The following CORO2A variants were observed in gnomAD, a reference collection of about 807,000 sequenced individuals.
CORO2A encodes the protein coronin-2A.
Under a neutral mutation model 62.4 loss-of-function variants are expected in CORO2A, and 47 were observed. That is an observed-to-expected ratio of 0.75 (90% CI 0.60 to 0.96). The LOEUF is 0.96. CORO2A is among the 40% of genes least tolerant of loss of function. The pLI is 0.00. For missense variants in CORO2A, 610 were observed against 684.1 expected (o/e 0.89, Z 1.21); for synonymous variants, 273 against 268.9 (o/e 1.02, Z -0.15).
chr9:98,141,203 A>G (rs1029428296), intron 2 of CORO2A, among the ~76,000 whole-genome samples: 1 of 152,056 alleles, frequency 6.6e-6, no homozygotes, highest in Non-Finnish European at 1.5e-5. Flanking sequence ...CTCTCTTTCA[A>G]GTGGTCTCTG....
intron 1 of CORO2A, among the ~76,000 whole-genome samples, chr9:98,166,432 A>G (rs1211740040): frequency 1.3e-5 from 2 of 152,246 alleles, no homozygotes. Context: ...AAGGCAACAT[A>G]TGGAATGAGA....
intron 8 of CORO2A, among the ~76,000 whole-genome samples, chr9:98,129,009 C>T (rs533087492): frequency 1.2e-4 from 19 of 152,160 alleles, no homozygotes; most frequent in African/African-American, 4.1e-4. Flanking sequence ...CATAGCTCAC[C>T]GCAGTCTCAC....
intron 1 of CORO2A, among the ~76,000 whole-genome samples, chr9:98,181,465 G>A (rs148078226): frequency 1.5e-4 from 22 of 151,474 alleles, no homozygotes; most frequent in Non-Finnish European, 2.2e-4. Flanking sequence ...CGTGAGCCTC[G>A]GTGCCTGGCT....
At chr9:98,174,597 T>C (rs368972483) in intron 1 of CORO2A, among the ~76,000 whole-genome samples, 6 of 152,120 alleles carry the variant, frequency 3.9e-5, no homozygotes, top group African/African-American at 1.4e-4. Flanking sequence ...TGAGAGGTGA[T>C]TGGATCATGG....
At chr9:98,134,188 C>A (rs1827451921) in intron 4 of CORO2A, among the ~76,000 whole-genome samples, 1 of 152,154 alleles carries the variant, frequency 6.6e-6, no homozygotes, top group African/African-American at 2.4e-5. Context: ...AAACTGAGGC[C>A]TAGAGAAGTC....
intron 1 of CORO2A, among the ~76,000 whole-genome samples, chr9:98,160,259 A>G (rs1827865870): frequency 6.6e-6 from 1 of 152,234 alleles, no homozygotes; most frequent in African/African-American, 2.4e-5. Context: ...ATAGAACACA[A>G]GATAGAAGGA....
chr9:98,138,919 C>T (rs193046466), intron 2 of CORO2A, among the ~76,000 whole-genome samples: 68 of 151,824 alleles, frequency 4.5e-4, no homozygotes, highest in African/African-American at 1.5e-3. Flanking sequence ...TGGTGGTGCA[C>T]GCCTGTAGTC....
At position 98,134,786 on chromosome 9, in the gene CORO2A, G is replaced by C. The variant is rs766106947; in HGVS notation, c.468+20C>G. ...GGGAACTTGTTGGGGCTGCCCCAGA[G>C]AAAGAATACCCAGACTCACCTTGTA... On this transcript the variant is annotated intron_variant, in intron 4 of 11. Transcript: ENST00000375077. The C allele has an allele frequency of 6.3e-7, 1 of 1,588,648 alleles. No homozygotes were observed. Among genetic ancestry groups the C allele is most frequent in the Admixed American group, 1.8e-5 (1 of 56,916 alleles).
At position 98,121,386 on chromosome 9, in the gene CORO2A, C is replaced by T. The variant is rs1718743414; in HGVS notation, c.*3388G>A. On this transcript the variant is annotated 3_prime_UTR_variant, in exon 12 of 12. Transcript: ENST00000375077. ...GGACCTGAATGTGCTAGGCAAGTTC[C>T]ACTACATCAGCTCAAGAACATAAAC... 6.6e-6 allele frequency: 1 copy of T among 152,046 alleles called. No individual in the cohort carries two copies. The highest frequency in any genetic ancestry group is 2.1e-4 in the South Asian group (1 of 4,820). The allele number at this position is 152,046 out of a possible 1,614,324, so 9.4% of individuals were successfully genotyped here.
intron 10 of CORO2A, 105 bp downstream of exon 10, chr9:98,128,065 A>G (rs1341735083): frequency 2.3e-6 from 2 of 867,842 alleles, no homozygotes; most frequent in African/African-American, 3.3e-5. Context: ...TTCTGAGGTC[A>G]TGAGAGAAGA....
intron 2 of CORO2A, among the ~76,000 whole-genome samples, chr9:98,144,886 C>T (rs912708514): frequency 1.3e-5 from 2 of 151,848 alleles, no homozygotes; most frequent in African/African-American, 2.4e-5. Flanking sequence ...AAGGCTGGAC[C>T]CAATAGAGAG....
Position 98,124,914 on chromosome 9 carries a change from G to A in CORO2A, c.1447-9C>T. On this transcript the variant is annotated splice_polypyrimidine_tract_variant and intron_variant, in intron 11 of 11. Transcript: ENST00000375077. ...TAGAACATCTGCAGCAACTGGGGAAGAAAGATCGGAAGGCAGGATCACCAT... is the reference window on the plus strand; with the variant it reads ...TAGAACATCTGCAGCAACTGGGGAAAAAAGATCGGAAGGCAGGATCACCAT... 1 of 1,557,152 alleles carries A rather than the reference G, an allele frequency of 6.4e-7. No individual in the cohort carries two copies. Among genetic ancestry groups the A allele is most frequent in the Non-Finnish European group, 8.7e-7 (1 of 1,149,266 alleles).
chr9:98,135,900 A>G (rs1022334043), intron 3 of CORO2A, among the ~76,000 whole-genome samples: 1 of 152,158 alleles, frequency 6.6e-6, no homozygotes, highest in South Asian at 2.1e-4. Context: ...CCCCGGGAGG[A>G]AGACACACTC....
intron 2 of CORO2A, among the ~76,000 whole-genome samples, chr9:98,154,330 T>TAC (rs1827772100): frequency 1.5e-5 from 1 of 68,430 alleles, no homozygotes; most frequent in Non-Finnish European, 2.8e-5. Flanking sequence ...TGTTTGTGTG[T>TAC]ATATATATAT....
intron 1 of CORO2A, among the ~76,000 whole-genome samples, chr9:98,192,083 C>A (rs1221309210): frequency 6.6e-6 from 1 of 152,222 alleles, no homozygotes; most frequent in Non-Finnish European, 1.5e-5. Context: ...GGGGATGCCC[C>A]CCACCCCACC....
At chr9:98,152,266 C>T (rs952730537) in intron 2 of CORO2A, among the ~76,000 whole-genome samples, 5 of 151,782 alleles carry the variant, frequency 3.3e-5, no homozygotes, top group Non-Finnish European at 4.4e-5. Context: ...CAGGCCATGA[C>T]CTTTTATCTT....
intron 2 of CORO2A, among the ~76,000 whole-genome samples, chr9:98,152,639 T>A (rs1827740638): frequency 6.6e-6 from 1 of 152,198 alleles, no homozygotes; most frequent in Non-Finnish European, 1.5e-5. Flanking sequence ...ATTTAACAAA[T>A]AAGTCAAGTT....
rs145697411 is a variant in CORO2A at position 98,134,841 on chromosome 9, C to T, written c.433G>A (p.Ala145Thr). Residue 145 changes from alanine (A) to threonine (T), a missense_variant, in exon 4 of 12, where the codon GCC (alanine) becomes ACC (threonine). Coordinates refer to ENST00000375077, the MANE Select transcript of CORO2A (RefSeq NM_052820.4). ...TAGCCAGCACTGAAGAGGATGTTGG[C>T]GGCCGTGGGGTGCCACTCCACCAGG... ...VGLVEWHPTA[A>T]NILFSAGYDY... 40 of 1,613,538 alleles carry T rather than the reference C, an allele frequency of 2.5e-5. No homozygotes were observed. The African/African-American group carries it at 3.1e-4, about 12-fold the overall frequency.
At chr9:98,135,917 G>A (rs1296838670) in intron 3 of CORO2A, among the ~76,000 whole-genome samples, 1 of 152,138 alleles carries the variant, frequency 6.6e-6, no homozygotes, top group African/African-American at 2.4e-5. Flanking sequence ...ACTCTGAAGA[G>A]GTATGTTTGG....
Sources: allele counts gnomAD v4.1 joint callset (sites outside exome capture counted in the v4.1 genomes callset), GRCh38; gene constraint gnomAD v4.1.1; transcripts MANE v1.5; gene names NCBI Gene and HGNC (gene_info 2026-07-23, HGNC 2026-07-21).